Variants in EZR observed in about 807,000 individuals in gnomAD.
EZR encodes cytovillin 2.
A neutral mutation model predicts 74.8 loss-of-function variants in EZR; 40 were observed. The observed-to-expected ratio is 0.53, with a 90% CI of 0.42 to 0.70. The LOEUF is 0.70. EZR is among the 30% of genes least tolerant of loss of function. The pLI, the probability that EZR is intolerant of heterozygous loss-of-function variation, is 0.00. For missense variants in EZR, 678 were observed against 755.8 expected, an observed-to-expected ratio of 0.90 and a Z score of 1.21; for synonymous variants, 341 against 283.3, an observed-to-expected ratio of 1.20 and a Z score of -2.05.
At chr6:158,805,897 T>A (rs566290574) in intron 2 of EZR, among the ~76,000 whole-genome samples, 1 of 152,356 alleles carries the variant, frequency 6.6e-6, no homozygotes, top group Non-Finnish European at 1.5e-5. Context: ...GTATGTAGAT[T>A]GATCTCTTAA....
Position 158,794,014 on chromosome 6 carries a change from C to T in EZR, c.13-4643G>A, listed in dbSNP as rs535826186. Among the ~76,000 whole-genome samples, 21 of 152,310 alleles carry T rather than the reference C, an allele frequency of 1.4e-4. No individual in the cohort carries two copies. The South Asian group carries it at 4.1e-3, about 30-fold the overall frequency. ...CTTTGGGGCCACATGCAGTGGTTCA[C>T]GCCTGTAATCCCAGCACTTTGGGAG... On this transcript the variant is annotated intron_variant, in intron 2 of 13. Transcript: ENST00000367075.
intron 8 of EZR, among the ~76,000 whole-genome samples, chr6:158,771,942 C>T (rs1374384302): frequency 6.6e-6 from 1 of 152,138 alleles, no homozygotes; most frequent in Non-Finnish European, 1.5e-5. Flanking sequence ...ACTGTTATTG[C>T]TACACTGACT....
chr6:158,785,178 T>A (rs1251683608), intron 5 of EZR, 131 bp downstream of exon 5: 1 of 1,153,712 alleles, frequency 8.7e-7, no homozygotes, highest in Non-Finnish European at 1.2e-6. Flanking sequence ...AGTGACTTAA[T>A]GACTAGCATG....
intron 2 of EZR, among the ~76,000 whole-genome samples, chr6:158,816,875 C>T (rs978083111): frequency 6.6e-6 from 1 of 152,184 alleles, no homozygotes; most frequent in African/African-American, 2.4e-5. Flanking sequence ...CACCTGAGGT[C>T]AGGAGTTTTA....
intron 2 of EZR, among the ~76,000 whole-genome samples, chr6:158,793,500 A>C (rs1194557477): frequency 6.6e-6 from 1 of 152,186 alleles, no homozygotes; most frequent in East Asian, 1.9e-4. Flanking sequence ...AGGTAAATGA[A>C]TACTATGTTA....
At chr6:158,818,259 T>A in intron 1 of EZR, 93 bp from the exon 2 acceptor site, 1 of 619,826 alleles carries the variant, frequency 1.6e-6, no homozygotes, top group Non-Finnish European at 2.6e-6. Context: ...CGCTGCCGCT[T>A]AAGAACCGGC....
At chr6:158,768,615 C>G (rs1400871345) in intron 12 of EZR, among the ~76,000 whole-genome samples, 1 of 152,168 alleles carries the variant, frequency 6.6e-6, no homozygotes, top group African/African-American at 2.4e-5. Flanking sequence ...ATCCCCAGAG[C>G]TTCTCAGGGG....
chr6:158,770,358 G>A (rs968059962), intron 10 of EZR, among the ~76,000 whole-genome samples: 3 of 152,206 alleles, frequency 2.0e-5, no homozygotes, highest in Admixed American at 1.3e-4. Flanking sequence ...GTTGTTGACT[G>A]GAGCTGTGCT....
At chr6:158,812,122 A>C (rs2128577102) in intron 2 of EZR, among the ~76,000 whole-genome samples, 1 of 152,320 alleles carries the variant, frequency 6.6e-6, no homozygotes, top group African/African-American at 2.4e-5. Context: ...GGCCTGCCCA[A>C]GTATAGGTAA....
intron 2 of EZR, among the ~76,000 whole-genome samples, chr6:158,816,808 G>A (rs1177427131): frequency 1.3e-5 from 2 of 152,116 alleles, no homozygotes; most frequent in Admixed American, 6.6e-5. Context: ...ACACAAGGCC[G>A]GGTGTGGTGG....
Position 158,796,667 on chromosome 6 carries a change from G to A in EZR, c.13-7296C>T, listed in dbSNP as rs942273943. ...ATATGCTGTGGGGGCAGTGTTTGGA[G>A]GTCACGTAACTCTGCAGTGGTTAAG... On this transcript the variant is annotated intron_variant, in intron 2 of 13. Coordinates refer to ENST00000367075, the MANE Select transcript of EZR (RefSeq NM_001111077.2). Among the ~76,000 whole-genome samples, 5 of 152,314 alleles carry A rather than the reference G, an allele frequency of 3.3e-5. No homozygotes were observed. The South Asian group carries it at 1.0e-3, about 32-fold the overall frequency.
intron 2 of EZR, among the ~76,000 whole-genome samples, chr6:158,803,526 A>C (rs1777234330): frequency 2.4e-5 from 1 of 40,940 alleles, no homozygotes; most frequent in Non-Finnish European, 5.4e-5. Flanking sequence ...ATTATGTAAC[A>C]TTATATATAT....
At chr6:158,804,781 AC>A (rs1306311430) in intron 2 of EZR, among the ~76,000 whole-genome samples, 2 of 147,582 alleles carry the variant, frequency 1.4e-5, no homozygotes, top group Non-Finnish European at 3.0e-5. Context: ...TTTTTATTAT[AC>A]TTTAAGTTTT....
At chr6:158,819,231 G>A (rs932879538) in intron 1 of EZR, 86 bp downstream of exon 1, 27 of 152,110 alleles carry the variant, frequency 1.8e-4, no homozygotes, top group East Asian at 7.7e-4. Flanking sequence ...CGCACCTGCC[G>A]CCGAACCCCG....
chr6:158,778,864 T>A (rs577025190), intron 7 of EZR, among the ~76,000 whole-genome samples: 43 of 152,318 alleles, frequency 2.8e-4, no homozygotes, highest in Non-Finnish European at 5.7e-4. Flanking sequence ...CATATTAATA[T>A]AACTGAATAA....
intron 1 of EZR, 26 bp from the exon 2 acceptor site, chr6:158,818,192 G>A: frequency 2.3e-6 from 3 of 1,329,412 alleles, no homozygotes; most frequent in South Asian, 2.7e-5. Context: ...AACCCTTAGA[G>A]CGCCCGCCCG....
At chr6:158,801,937 G>A (rs1343114337) in intron 2 of EZR, among the ~76,000 whole-genome samples, 1 of 152,196 alleles carries the variant, frequency 6.6e-6, no homozygotes, top group African/African-American at 2.4e-5. Flanking sequence ...TGTGCGTTGC[G>A]ACAGCTGTTG....
rs1790751759 is a variant in EZR, at chr6:158,765,874, T to C, written c.*1040A>G. ...GGCGGAACCAACGGCCTCCACAAGCTGCCTTCCAGCAGCCTGCCAAGGCCA... is the reference window on the plus strand; with the variant it reads ...GGCGGAACCAACGGCCTCCACAAGCCGCCTTCCAGCAGCCTGCCAAGGCCA... On this transcript the variant is annotated 3_prime_UTR_variant, in exon 14 of 14. Coordinates refer to ENST00000367075, the MANE Select transcript of EZR (RefSeq NM_001111077.2). 1.3e-5 allele frequency: 2 copies of C among 152,084 alleles called. No homozygotes were observed. The highest frequency in any genetic ancestry group is 6.6e-5 in the Admixed American group (1 of 15,258). 9.4% of individuals were successfully genotyped at this position (152,084 alleles called of 1,614,324 possible). A position where few individuals can be genotyped will look rare whatever the true frequency, so the allele number is the denominator to read the frequency against.
rs1421771097 is a variant in EZR, at chr6:158,783,411, G to GA, written c.698+108_698+109insT. The GA allele has an allele frequency of 4.3e-5, 38 of 881,338 alleles. 3 individuals are homozygous for GA. The highest frequency in any genetic ancestry group is 5.8e-5 in the Non-Finnish European group (33 of 573,202). The allele number at this position is 881,338 out of a possible 1,614,324, so 54.6% of individuals were successfully genotyped here. A position where few individuals can be genotyped will look rare whatever the true frequency, so the allele number is the denominator to read the frequency against. On this transcript the variant is annotated intron_variant, in intron 7 of 13. Transcript: ENST00000367075. ...TTAAAAAGTTTCCTACTTTGGGATA[G>GA]TAAGTTGCTAAATAAATACTTCAAA...
Sources: gnomAD v4.1 joint callset for allele counts (sites outside exome capture counted in the v4.1 genomes callset) on GRCh38, gnomAD v4.1.1 for gene constraint, MANE v1.5 for transcripts, NCBI Gene and HGNC (gene_info 2026-07-23, HGNC 2026-07-21) for gene names.